The following CELF2 variants were observed in gnomAD, a reference collection of about 807,000 sequenced individuals.
The protein encoded by CELF2 is CUG triplet repeat RNA-binding protein 2.
A neutral mutation model predicts 62.6 loss-of-function variants in CELF2; 8 were observed. The observed-to-expected ratio is 0.13, with a 90% CI of 0.07 to 0.23. The LOEUF is 0.23. Among genes scored for constraint, CELF2 ranks in the 10% least tolerant of loss-of-function variants. The pLI, the probability that CELF2 is intolerant of heterozygous loss-of-function variation, is 1.00. For synonymous variants in CELF2, 258 were observed against 250.0 expected, an observed-to-expected ratio of 1.03 and a Z score of -0.30; for missense variants, 333 against 671.0, an observed-to-expected ratio of 0.50 and a Z score of 5.56.
At chr10:10,584,011 C>T in the CELF2 span, among the ~76,000 whole-genome samples, 1 of 152,048 alleles carries the variant, frequency 6.6e-6, no homozygotes, top group Admixed American at 6.6e-5. Flanking sequence ...AACCCCAAGA[C>T]CGTAGGGGGC....
chr10:11,330,068 G>A lies in CELF2; in HGVS notation c.*1015G>A, dbSNP rs1203092232. On this transcript the variant is annotated 3_prime_UTR_variant, in exon 13 of 13. Coordinates refer to ENST00000633077, the MANE Select transcript of CELF2 (RefSeq NM_001326342.2). The surrounding 1 kb of genome is among the most constrained non-coding windows in gnomAD (Gnocchi z 4.5). ...TTCTAGGAATGGGCTTTTTTTCACC[G>A]TTGAACCCTAGACCTGAAGTTCATG... The A allele has an allele frequency of 6.6e-6, 1 of 152,476 alleles. No homozygotes were observed. Among genetic ancestry groups the A allele is most frequent in the Non-Finnish European group, 1.5e-5 (1 of 68,022 alleles). 9.4% of individuals were successfully genotyped at this position (152,476 alleles called of 1,614,324 possible).
the CELF2 span, among the ~76,000 whole-genome samples, chr10:10,722,840 T>C: frequency 3.9e-5 from 6 of 152,176 alleles, no homozygotes; most frequent in Non-Finnish European, 5.9e-5. Flanking sequence ...AATAACCACC[T>C]GGATTATGTT....
At chr10:10,910,899 A>G (rs1227396645) in intron 1 of CELF2, among the ~76,000 whole-genome samples, 1 of 152,298 alleles carries the variant, frequency 6.6e-6, no homozygotes, top group Non-Finnish European at 1.5e-5. Context: ...CGACTGCCAA[A>G]GTCTAAATGA....
chr10:11,288,070 C>T (rs1168783267), intron 8 of CELF2, among the ~76,000 whole-genome samples: 14 of 152,402 alleles, frequency 9.2e-5, no homozygotes, highest in African/African-American at 7.2e-5. Context: ...GCACTGAAAT[C>T]TCTCCTCTTT....
chr10:10,773,658 CT>C, the CELF2 span, among the ~76,000 whole-genome samples: 1 of 152,198 alleles, frequency 6.6e-6, no homozygotes, highest in Non-Finnish European at 1.5e-5. Context: ...ACCTGCAGGA[CT>C]TTTCTAAAAA....
At position 10,928,110 on chromosome 10, in the gene CELF2, A is replaced by T. The variant is rs1419979206; in HGVS notation, c.89+8111A>T. Among the ~76,000 whole-genome samples the T allele has an allele frequency of 6.6e-6, 1 of 152,056 alleles. No homozygotes were observed. The highest frequency in any genetic ancestry group is 1.5e-5 in the Non-Finnish European group (1 of 68,018). On this transcript the variant is annotated intron_variant, in intron 2 of 13. Coordinates refer to the CELF2 transcript ENST00000636488. The surrounding 1 kb of genome is among the most constrained non-coding windows in gnomAD (Gnocchi z 4.8). ...TCACCACCCTATTAAGTAACCCCCC[A>T]ACACACTTCCTATCACATCGCCATA...
chr10:11,245,983 A>G (rs79239407), intron 3 of CELF2, among the ~76,000 whole-genome samples: 5,708 of 152,252 alleles, frequency 0.037, 346 homozygotes, highest in African/African-American at 0.13. Context: ...GTGTCTATGC[A>G]GTCACTTATT....
the CELF2 span, among the ~76,000 whole-genome samples, chr10:10,687,163 G>A: frequency 1.3e-5 from 2 of 152,146 alleles, no homozygotes; most frequent in Admixed American, 1.3e-4. Flanking sequence ...GCACAGATGG[G>A]CACATGCAAA....
chr10:10,648,389 T>C, the CELF2 span, among the ~76,000 whole-genome samples: 3 of 152,198 alleles, frequency 2.0e-5, no homozygotes, highest in Non-Finnish European at 4.4e-5. Context: ...TCACCTTTGA[T>C]ACATCCCAGT....
intron 9 of CELF2, among the ~76,000 whole-genome samples, chr10:11,301,535 G>A (rs1367444753): frequency 4.4e-5 from 5 of 113,650 alleles, no homozygotes; most frequent in African/African-American, 1.7e-4. Context: ...CCCCGCTCCC[G>A]CTGCCCCCGG....
At chr10:11,103,160 A>G (rs994135022) in intron 1 of CELF2, among the ~76,000 whole-genome samples, 2 of 151,738 alleles carry the variant, frequency 1.3e-5, no homozygotes, top group African/African-American at 4.8e-5. Flanking sequence ...TACATTCTTC[A>G]CCCCAGCTAG....
chr10:11,228,676 T>C (rs1040777432), intron 3 of CELF2, among the ~76,000 whole-genome samples: 10 of 146,266 alleles, frequency 6.8e-5, no homozygotes, highest in African/African-American at 2.1e-4. Context: ...CTTCTGCAGC[T>C]CATAGAGGCA....
the CELF2 span, among the ~76,000 whole-genome samples, chr10:10,592,632 G>A: frequency 6.6e-6 from 1 of 152,182 alleles, no homozygotes; most frequent in Non-Finnish European, 1.5e-5. Context: ...ATTAAAGAGT[G>A]TCAAAACCAA....
At chr10:11,054,533 G>A (rs906909207) in intron 1 of CELF2, among the ~76,000 whole-genome samples, 5 of 143,964 alleles carry the variant, frequency 3.5e-5, no homozygotes, top group African/African-American at 5.1e-5. Flanking sequence ...TAATAGGACC[G>A]TCTTTTAACT....
At chr10:10,764,447 T>C in the CELF2 span, among the ~76,000 whole-genome samples, 8 of 152,196 alleles carry the variant, frequency 5.3e-5, no homozygotes, top group Non-Finnish European at 1.2e-4. Flanking sequence ...TTCAAAGTTC[T>C]ACACGACTGC....
chr10:10,655,346 T>C, the CELF2 span, among the ~76,000 whole-genome samples: 8 of 118,168 alleles, frequency 6.8e-5, no homozygotes, highest in South Asian at 3.7e-3. Context: ...ACCAATGACT[T>C]TCTTCACAGA....
chr10:10,916,674 G>A (rs756409933), intron 1 of CELF2, among the ~76,000 whole-genome samples: 31 of 152,198 alleles, frequency 2.0e-4, no homozygotes, highest in African/African-American at 4.1e-4. Flanking sequence ...GTGCAGTGGC[G>A]TGATCGCTGC....
intron 2 of CELF2, among the ~76,000 whole-genome samples, chr10:10,967,971 A>G (rs1225036630): frequency 6.6e-6 from 1 of 152,122 alleles, no homozygotes; most frequent in Non-Finnish European, 1.5e-5. Context: ...CTGAGGGAGA[A>G]AAAAATGTAA....
intron 2 of CELF2, among the ~76,000 whole-genome samples, chr10:10,965,589 C>T (rs1407080211): frequency 6.6e-6 from 1 of 152,136 alleles, no homozygotes. Flanking sequence ...TGCTAATACA[C>T]TTTGAGAATC....
Sources: allele counts gnomAD v4.1 joint callset (sites outside exome capture counted in the v4.1 genomes callset), GRCh38; gene constraint gnomAD v4.1.1; non-coding constraint Gnocchi (gnomAD v3.1); transcripts MANE v1.5; gene names NCBI Gene and HGNC (gene_info 2026-07-23, HGNC 2026-07-21).